The following SERGEF variants were observed in gnomAD, a reference collection of about 807,000 sequenced individuals.
SERGEF encodes the protein secretion-regulating guanine nucleotide exchange factor.
SERGEF carries 51 observed loss-of-function variants against 50.0 expected under a neutral mutation model. That is an observed-to-expected ratio of 1.02 (90% confidence interval 0.81 to 1.29). The LOEUF is 1.29. Among genes scored for constraint, SERGEF ranks in the 50% most tolerant of loss-of-function variants. The pLI, the probability that SERGEF is intolerant of heterozygous loss-of-function variation, is 0.00. For missense variants in SERGEF, 521 were observed against 557.0 expected (o/e 0.94, Z 0.65); for synonymous variants, 205 against 212.4 (o/e 0.97, Z 0.30).
chr11:17,848,901 G>A (rs1453336391), intron 10 of SERGEF, among the ~76,000 whole-genome samples: 2 of 152,178 alleles, frequency 1.3e-5, no homozygotes, highest in Admixed American at 1.3e-4. Flanking sequence ...AAGGCCCAAA[G>A]AGGTTCCATG....
chr11:17,797,540 G>A (rs183944559), intron 10 of SERGEF, among the ~76,000 whole-genome samples: 4 of 151,820 alleles, frequency 2.6e-5, no homozygotes, highest in Admixed American at 1.3e-4. Flanking sequence ...CCCTACTCCC[G>A]TCTTATCTCT....
At chr11:17,969,843 T>C (rs1853209518) in intron 8 of SERGEF, among the ~76,000 whole-genome samples, 1 of 152,160 alleles carries the variant, frequency 6.6e-6, no homozygotes. Flanking sequence ...TCAAGAGGAT[T>C]ATGGGAATAA....
intron 10 of SERGEF, among the ~76,000 whole-genome samples, chr11:17,852,231 G>A (rs1850727391): frequency 6.6e-6 from 1 of 152,206 alleles, no homozygotes; most frequent in Non-Finnish European, 1.5e-5. Context: ...CAGCTACTAA[G>A]TGGCAATACT....
At chr11:17,826,561 A>G (rs1850200013) in intron 10 of SERGEF, among the ~76,000 whole-genome samples, 1 of 152,216 alleles carries the variant, frequency 6.6e-6, no homozygotes. Context: ...TAATAGGTAC[A>G]ACATTTCAGT....
At chr11:17,889,387 G>A (rs773944753) in intron 9 of SERGEF, among the ~76,000 whole-genome samples, 1 of 152,136 alleles carries the variant, frequency 6.6e-6, no homozygotes, top group African/African-American at 2.4e-5. Context: ...ACTAAAGACA[G>A]ACACAACATC....
At chr11:17,913,670 A>T (rs1046718236) in intron 9 of SERGEF, among the ~76,000 whole-genome samples, 1 of 152,188 alleles carries the variant, frequency 6.6e-6, no homozygotes, top group African/African-American at 2.4e-5. Flanking sequence ...CACAGGAAAA[A>T]GCTAGGCTAG....
At chr11:17,845,221 T>C (rs1169592544) in intron 10 of SERGEF, among the ~76,000 whole-genome samples, 1 of 152,210 alleles carries the variant, frequency 6.6e-6, no homozygotes, top group East Asian at 1.9e-4. Flanking sequence ...AACTTCTTCA[T>C]GTCCATTTTT....
intron 9 of SERGEF, among the ~76,000 whole-genome samples, chr11:17,927,749 T>G (rs1852278187): frequency 6.6e-6 from 1 of 152,262 alleles, no homozygotes; most frequent in Non-Finnish European, 1.5e-5. Flanking sequence ...GTAGCCCTAC[T>G]GACTCAGACC....
intron 10 of SERGEF, among the ~76,000 whole-genome samples, chr11:17,808,728 A>AT (rs1849811740): frequency 6.6e-6 from 1 of 152,238 alleles, no homozygotes; most frequent in Non-Finnish European, 1.5e-5. Context: ...TACACCTTGT[A>AT]TGACTGATCC....
At position 17,910,187 on chromosome 11, in the gene SERGEF, A is replaced by ACTCTCTCT. The variant is rs1341010777; in HGVS notation, c.1012-31944_1012-31943insAGAGAGAG. Among the ~76,000 whole-genome samples, 1,176 of 119,558 alleles carry ACTCTCTCT rather than the reference A, an allele frequency of 9.8e-3. 10 individuals are homozygous for ACTCTCTCT. Among genetic ancestry groups the ACTCTCTCT allele is most frequent in the East Asian group, 0.037 (175 of 4,732 alleles). 78.4% of individuals were successfully genotyped at this position (119,558 alleles called of 152,430 possible). A position where few individuals can be genotyped will look rare whatever the true frequency, so the allele number is the denominator to read the frequency against. On this transcript the variant is annotated intron_variant, in intron 9 of 10. Coordinates refer to ENST00000265965, the MANE Select transcript of SERGEF (RefSeq NM_012139.4). ...TTGCCACCTACACACACACACACAC[A>ACTCTCTCT]CACACACTCTCTCTCTCTCTCTCTC...
Position 17,943,880 on chromosome 11 carries a change from T to C in SERGEF, c.1011+15590A>G, listed in dbSNP as rs912664160. Reference sequence around the variant, plus strand: ...AACTCATATTCCCAAATCTCAACGTTTCACTAGCTTTGCTCGCTATATCCC... The same window carrying C: ...AACTCATATTCCCAAATCTCAACGTCTCACTAGCTTTGCTCGCTATATCCC... On this transcript the variant is annotated intron_variant, in intron 9 of 10. Transcript: ENST00000265965. Among the ~76,000 whole-genome samples the C allele has an allele frequency of 2.0e-5, 3 of 152,186 alleles. No individual in the cohort carries two copies. In the South Asian group the frequency reaches 6.2e-4, roughly 31 times the overall value.
intron 9 of SERGEF, among the ~76,000 whole-genome samples, chr11:17,919,032 A>G (rs1230083428): frequency 6.6e-6 from 1 of 152,246 alleles, no homozygotes; most frequent in Non-Finnish European, 1.5e-5. Flanking sequence ...GAGCTGCTGC[A>G]TATTACTCAT....
chr11:17,973,447 A>G (rs1314291489), intron 8 of SERGEF, among the ~76,000 whole-genome samples: 1 of 152,192 alleles, frequency 6.6e-6, no homozygotes, highest in Non-Finnish European at 1.5e-5. Flanking sequence ...CCAAAGAGAA[A>G]CTGGCTTTGG....
intron 10 of SERGEF, among the ~76,000 whole-genome samples, chr11:17,800,295 C>T (rs1286257993): frequency 2.6e-5 from 4 of 152,190 alleles, no homozygotes; most frequent in African/African-American, 9.7e-5. Context: ...ACCACTGACA[C>T]ACCATTGGCG....
At chr11:17,825,879 GTTCCT>G (rs1850182584) in intron 10 of SERGEF, among the ~76,000 whole-genome samples, 1 of 152,184 alleles carries the variant, frequency 6.6e-6, no homozygotes, top group South Asian at 2.1e-4. Context: ...CACTCACAGG[GTTCCT>G]TTCTTGGTGT....
intron 10 of SERGEF, among the ~76,000 whole-genome samples, chr11:17,790,624 A>G (rs751682721): frequency 2.0e-5 from 3 of 152,218 alleles, no homozygotes; most frequent in Non-Finnish European, 4.4e-5. Context: ...GTCTTTGAAC[A>G]TATCTCCTTG....
At chr11:18,010,078 T>A (rs1314583370) in intron 1 of SERGEF, 1 of 1,217,494 alleles carries the variant, frequency 8.2e-7, no homozygotes, top group South Asian at 1.3e-5. Context: ...TACCTACTCC[T>A]AGCTGGTTCT....
At chr11:17,999,278 C>T (rs72862028) in intron 5 of SERGEF, among the ~76,000 whole-genome samples, 48,570 of 152,128 alleles carry the variant, frequency 0.32, 9,265 homozygotes, top group East Asian at 0.49. Flanking sequence ...TATATCTTGA[C>T]TGTATCAATG....
At chr11:17,803,748 T>C (rs1184264894) in intron 10 of SERGEF, among the ~76,000 whole-genome samples, 1 of 152,142 alleles carries the variant, frequency 6.6e-6, no homozygotes, top group Non-Finnish European at 1.5e-5. Flanking sequence ...TTAGTGAATC[T>C]GGGAAAACCG....
Sources: allele counts gnomAD v4.1 joint callset (sites outside exome capture counted in the v4.1 genomes callset), GRCh38; gene constraint gnomAD v4.1.1; transcripts MANE v1.5; gene names NCBI Gene and HGNC (gene_info 2026-07-23, HGNC 2026-07-21).